The following PCNX3 variants were observed in gnomAD, a reference collection of about 807,000 sequenced individuals.
PCNX3 encodes the protein pecanex-like protein 3.
In PCNX3, 58 loss-of-function variants were observed where a neutral mutation model predicts 207.2. The observed-to-expected ratio is 0.28, with a 90% CI of 0.23 to 0.35. PCNX3 has a LOEUF of 0.35. PCNX3 is among the 10% of genes least tolerant of loss of function. PCNX3 has a pLI of 1.00. For synonymous variants in PCNX3, 1,337 were observed against 1,183.5 expected, an observed-to-expected ratio of 1.13 and a Z score of -2.66; for missense variants, 2,410 against 2,774.4, an observed-to-expected ratio of 0.87 and a Z score of 2.95.
Position 65,618,437 on chromosome 11 carries a change from C to G in PCNX3, c.1075C>G (p.Leu359Val). ...PDAGVPSDDT[L>V]RSFDTVIGAG... ...CGCCGGGGTCCCCTCAGATGACACG[C>G]TGCGTTCCTTTGACACGGTCATTGG... The change falls in exon 6 of 35, where the codon CTG becomes GTG. Residue 359 changes from leucine (L) to valine (V), a missense_variant. Transcript: ENST00000355703. 4 of 1,611,730 alleles carry G rather than the reference C, an allele frequency of 2.5e-6. No homozygotes were observed. Among genetic ancestry groups the G allele is most frequent in the Non-Finnish European group, 3.4e-6 (4 of 1,179,398 alleles).
At chr11:65,626,742 C>T (rs534533006) in intron 20 of PCNX3, 162 bp from the exon 21 acceptor site, 1 of 1,010,356 alleles carries the variant, frequency 9.9e-7, no homozygotes, top group South Asian at 1.6e-5. Flanking sequence ...AGCCCTTGCC[C>T]TGCTGGGGCT....
At chr11:65,623,870 G>A in intron 12 of PCNX3, 59 bp from the exon 13 acceptor site, 1 of 1,610,082 alleles carries the variant, frequency 6.2e-7, no homozygotes, top group Non-Finnish European at 8.5e-7. Flanking sequence ...CAGGTCTGGG[G>A]CCTCTGACCA....
rs1854994362 is a variant in PCNX3, at chr11:65,619,944, C to T, written c.2008+12C>T. ...CTACGATGAGAGCGGTGAGCCTTTC[C>T]CAAGCCCGGTGGCCCAGTGCCTCCC... On this transcript the variant is annotated intron_variant, in intron 8 of 34. Transcript: ENST00000355703. 6.3e-7 allele frequency: 1 copy of T among 1,589,950 alleles called. No homozygotes were observed. Among genetic ancestry groups the T allele is most frequent in the Non-Finnish European group, 8.6e-7 (1 of 1,164,456 alleles).
At chr11:65,623,890 C>T (rs1855241551) in intron 12 of PCNX3, 39 bp from the exon 13 acceptor site, 3 of 1,612,214 alleles carry the variant, frequency 1.9e-6, no homozygotes, top group Non-Finnish European at 1.7e-6. Context: ...ATCCCGTGGG[C>T]ATCGGCTCTA....
rs1855563761 is a variant in PCNX3, at chr11:65,630,200, TC to T, written c.4217-150del. ...TGGGAGGAGAAAGGCAGGCGCTCTTTCGTGAATCTTGGCATCCAATAAGGTT... is the reference window on the plus strand; with the variant it reads ...TGGGAGGAGAAAGGCAGGCGCTCTTTGTGAATCTTGGCATCCAATAAGGTT... On this transcript the variant is annotated intron_variant, in intron 26 of 34. Coordinates refer to ENST00000355703, the MANE Select transcript of PCNX3 (RefSeq NM_032223.4). 2.5e-6 allele frequency: 3 copies of T among 1,197,128 alleles called. No homozygotes were observed. The African/African-American group carries it at 4.6e-5, about 18-fold the overall frequency. 74.2% of individuals were successfully genotyped at this position (1,197,128 alleles called of 1,614,324 possible). A position where few individuals can be genotyped will look rare whatever the true frequency, so the allele number is the denominator to read the frequency against.
rs1565151380 is a variant in PCNX3, at chr11:65,617,343, G to A, written c.435G>A (p.Gln145=). ...SSQHSVFGFN[Q]VSELLPRMED... is the part of the protein sequence containing the mutation. ...AGCACTCTGTGTTTGGCTTCAACCA[G>A]GTCTCGGTGAGTGGGCCTGGACCTC... Residue 145 remains glutamine, a synonymous_variant, in exon 3 of 35, where the codon CAG becomes CAA. Coordinates refer to ENST00000355703, the MANE Select transcript of PCNX3 (RefSeq NM_032223.4). The A allele has an allele frequency of 1.2e-6, 2 of 1,613,176 alleles. No homozygotes were observed. The highest frequency in any genetic ancestry group is 2.7e-5 in the African/African-American group (2 of 74,880).
chr11:65,620,079 G>C (rs530253069), intron 8 of PCNX3, 147 bp downstream of exon 8: 11 of 959,442 alleles, frequency 1.1e-5, no homozygotes, highest in Admixed American at 2.8e-5. Context: ...TTTGAGGCAC[G>C]GTGTCTCTGT....
intron 20 of PCNX3, chr11:65,626,650 T>C: frequency 1.8e-6 from 1 of 551,956 alleles, no homozygotes. Flanking sequence ...TGTTTGCGAT[T>C]TCATCATTGG....
At chr11:65,634,688 C>A in intron 29 of PCNX3, 47 bp downstream of exon 29, 1 of 1,484,930 alleles carries the variant, frequency 6.7e-7, no homozygotes, top group Non-Finnish European at 9.1e-7. Context: ...CCCCACCCCA[C>A]CTCTTCCACG....
chr11:65,624,905 T>C lies in PCNX3; in HGVS notation c.2828-20T>C, dbSNP rs373257030. 1.9e-6 allele frequency: 3 copies of C among 1,598,276 alleles called. No homozygotes were observed. The highest frequency in any genetic ancestry group is 2.6e-6 in the Non-Finnish European group (3 of 1,174,382). ...GTACCTGCAAGTGAGAGCTGGGCTG[T>C]ACTTCTCCCTTCCACACAGCTGCCA... On this transcript the variant is annotated intron_variant, in intron 15 of 34. Coordinates refer to ENST00000355703, the MANE Select transcript of PCNX3 (RefSeq NM_032223.4).
rs946693744 is a variant in PCNX3 at position 65,616,011 on chromosome 11, G to T, written c.-301G>T. On this transcript the variant is annotated 5_prime_UTR_variant, in exon 1 of 35. Transcript: ENST00000355703. ...TGCCGCCGACGGGTACCCGGCCCGT[G>T]CCCCGCGCCTGCCTGCCGGCTCGGC... The T allele has an allele frequency of 7.1e-5, 16 of 225,750 alleles. No individual in the cohort carries two copies. The highest frequency in any genetic ancestry group is 1.2e-4 in the Non-Finnish European group (14 of 116,472). The allele number at this position is 225,750 out of a possible 1,614,324, so 14.0% of individuals were successfully genotyped here. A position where few individuals can be genotyped will look rare whatever the true frequency, so the allele number is the denominator to read the frequency against.
chr11:65,634,691 C>T lies in PCNX3; in HGVS notation c.4805+50C>T, dbSNP rs752622339. ...GCCTACTGCCGTCCCCACCCCACCT[C>T]TTCCACGAAGAGCACTGTGGTCTCT... On this transcript the variant is annotated intron_variant, in intron 29 of 34. Coordinates refer to ENST00000355703, the MANE Select transcript of PCNX3 (RefSeq NM_032223.4). 3 of 1,481,618 alleles carry T rather than the reference C, an allele frequency of 2.0e-6. No homozygotes were observed. In the East Asian group the frequency reaches 7.4e-5, roughly 37 times the overall value. 91.8% of individuals were successfully genotyped at this position (1,481,618 alleles called of 1,614,324 possible). A position where few individuals can be genotyped will look rare whatever the true frequency, so the allele number is the denominator to read the frequency against.
chr11:65,626,269 C>T (rs1193948341), intron 20 of PCNX3: 12 of 720,978 alleles, frequency 1.7e-5, no homozygotes, highest in African/African-American at 1.0e-4. Context: ...CTTCCCTTGC[C>T]TGTGTTGCCC....
intron 10 of PCNX3, 160 bp from the exon 11 acceptor site, chr11:65,622,085 G>A (rs1386001767): frequency 1.2e-5 from 10 of 859,052 alleles, no homozygotes; most frequent in African/African-American, 1.8e-5. Context: ...GTCCAGGGCC[G>A]CTAGACAGGG....
rs1277523298 is a variant in PCNX3 at position 65,619,848 on chromosome 11, A to C, written c.1924A>C (p.Thr642Pro). ...GCATTTCGCCTCTTCACTGTTGCTCACCCGGGCCGGTGCCAATGTGCATGA... is the reference window on the plus strand; with the variant it reads ...GCATTTCGCCTCTTCACTGTTGCTCCCCCGGGCCGGTGCCAATGTGCATGA... Reference protein sequence around the residue: ...ALHFASSLLLTRAGANVHEAC... With the variant: ...ALHFASSLLLPRAGANVHEAC... Residue 642 changes from threonine to proline, a missense_variant, in exon 8 of 35, where the codon ACC (threonine) becomes CCC (proline). Physicochemically the swap from Thr to Pro is conservative, Grantham distance 38 (BLOSUM62 -1). Transcript: ENST00000355703. 1 of 1,609,262 alleles carries C rather than the reference A, an allele frequency of 6.2e-7. No individual in the cohort carries two copies. Among genetic ancestry groups the C allele is most frequent in the Admixed American group, 1.7e-5 (1 of 59,884 alleles).
chr11:65,616,529 G>T, intron 1 of PCNX3, 65 bp downstream of exon 1: 1 of 1,522,330 alleles, frequency 6.6e-7, no homozygotes, highest in Non-Finnish European at 8.9e-7. Context: ...AGGGATTCAG[G>T]GCAGTGCCCT....
intron 27 of PCNX3, among the ~76,000 whole-genome samples, chr11:65,631,154 C>CTCT (rs1855602285): frequency 6.6e-6 from 1 of 151,940 alleles, no homozygotes; most frequent in Non-Finnish European, 1.5e-5. Context: ...CCCTGAGCCA[C>CTCT]AGAGCTTTCC....
chr11:65,626,258 C>T, intron 20 of PCNX3: 2 of 753,452 alleles, frequency 2.7e-6, no homozygotes, highest in Non-Finnish European at 4.6e-6. Context: ...CCTGCTGTGC[C>T]CTTCCCTTGC....
intron 20 of PCNX3, 133 bp downstream of exon 20, chr11:65,626,187 C>G: frequency 8.1e-7 from 1 of 1,239,368 alleles, no homozygotes; most frequent in Non-Finnish European, 1.1e-6. Flanking sequence ...TTTCTGCTCC[C>G]TCCCTGCCCT....
Sources: allele counts gnomAD v4.1 joint callset (sites outside exome capture counted in the v4.1 genomes callset), GRCh38; gene constraint gnomAD v4.1.1; transcripts MANE v1.5; gene names NCBI Gene and HGNC (gene_info 2026-07-23, HGNC 2026-07-21).